The following GLIPR1 variants were observed in gnomAD, a reference collection of about 807,000 sequenced individuals.
GLIPR1 encodes glioma pathogenesis-related protein 1.
GLIPR1 carries 38 observed loss-of-function variants against 30.3 expected under a neutral mutation model. The ratio of observed to expected loss-of-function variants is 1.26; its 90% CI spans 0.97 to 1.65. The LOEUF (loss-of-function observed/expected upper bound fraction) is 1.65. Ranked by LOEUF, GLIPR1 falls within the 40% of genes most tolerant of loss-of-function variation. The probability of loss-of-function intolerance (pLI) is 0.00; values close to 1 mark genes in which losing one functional copy is unlikely to be tolerated. For synonymous variants in GLIPR1, 122 were observed against 110.6 expected (o/e 1.10, Z -0.65); for missense variants, 285 against 326.5 (o/e 0.87, Z 0.98).
chr12:75,500,116 C>A lies in GLIPR1; in HGVS notation c.*1138C>A. ...ACAGTATAAAATATAAAAACACTTG[C>A]CTAAAGCAGTTAGAAATTTCTTCAG... On this transcript the variant is annotated 3_prime_UTR_variant, in exon 6 of 6. Transcript: ENST00000266659. 1.9e-5 allele frequency: 9 copies of A among 481,878 alleles called. No homozygotes were observed. The highest frequency in any genetic ancestry group is 1.3e-4 in the South Asian group (3 of 23,384). 29.9% of individuals were successfully genotyped at this position (481,878 alleles called of 1,614,324 possible).
Position 75,499,939 on chromosome 12 carries a change from G to T in GLIPR1, c.*961G>T. The T allele has an allele frequency of 6.3e-7, 1 of 1,599,482 alleles. No individual in the cohort carries two copies. ...CTTGATGCTGGCCACATCAATTTTA[G>T]TTTCAGTAGAAGCTAGACAAATTAA... On this transcript the variant is annotated 3_prime_UTR_variant, in exon 6 of 6. Transcript: ENST00000266659.
At chr12:75,491,537 CTG>C (rs972543431) in intron 3 of GLIPR1, 1 of 152,168 alleles carries the variant, frequency 6.6e-6, no homozygotes, top group Non-Finnish European at 1.5e-5. Context: ...CACGTAAAGA[CTG>C]TGACCATTTT....
In GLIPR1 at chr12:75,499,401, A is replaced by AGTAACTAGGGGATCTGATTTTAG. The variant is rs1380518959; in HGVS notation, c.*424_*446dup. On this transcript the variant is annotated 3_prime_UTR_variant, in exon 6 of 6. Coordinates refer to ENST00000266659, the MANE Select transcript of GLIPR1 (RefSeq NM_006851.3). ...TACTTCCCCAGATTCAGAACAGAGG[A>AGTAACTAGGGGATCTGATTTTAG]GTAACTAGGGGATCTGATTTTAGAG... The AGTAACTAGGGGATCTGATTTTAG allele has an allele frequency of 6.2e-6, 1 of 160,352 alleles. No homozygotes were observed. The highest frequency in any genetic ancestry group is 1.3e-5 in the Non-Finnish European group (1 of 74,170). The allele number at this position is 160,352 out of a possible 1,614,324, so 9.9% of individuals were successfully genotyped here.
At chr12:75,482,782 C>T (rs551721919) in intron 2 of GLIPR1, among the ~76,000 whole-genome samples, 1 of 151,526 alleles carries the variant, frequency 6.6e-6, no homozygotes, top group African/African-American at 2.4e-5. Flanking sequence ...ACATTTGCAG[C>T]ATGATGGAAA....
In GLIPR1 at chr12:75,495,482, C is replaced by G. The variant is rs1458318384; in HGVS notation, c.534-95C>G. 44 of 687,412 alleles carry G rather than the reference C, an allele frequency of 6.4e-5. 1 individual carries two copies. Among genetic ancestry groups the G allele is most frequent in the Non-Finnish European group, 1.1e-4 (41 of 373,998 alleles). 42.6% of individuals were successfully genotyped at this position (687,412 alleles called of 1,614,324 possible). A position where few individuals can be genotyped will look rare whatever the true frequency, so the allele number is the denominator to read the frequency against. The stretch of plus-strand genomic sequence containing the variant: ...ACTCTCTGGACCTTTGTACTTCACT[C>G]CACTATTCTTCTGGATTTAGTTAAG... On this transcript the variant is annotated intron_variant, in intron 3 of 5. Transcript: ENST00000266659.
At position 75,501,967 on chromosome 12, in the gene GLIPR1, A is replaced by G. The variant is rs1219756824; in HGVS notation, c.*2989A>G. The G allele has an allele frequency of 1.1e-5, 17 of 1,612,416 alleles. No homozygotes were observed. Among genetic ancestry groups the G allele is most frequent in the Non-Finnish European group, 1.4e-5 (17 of 1,179,098 alleles). On this transcript the variant is annotated 3_prime_UTR_variant, in exon 6 of 6. Coordinates refer to ENST00000266659, the MANE Select transcript of GLIPR1 (RefSeq NM_006851.3). ...TGCCGCTTCTTCTGATTTGCCTTCA[A>G]AAAGTATTCACCACTAGCCAATTCT...
chr12:75,482,336 A>G (rs145534256), intron 2 of GLIPR1, among the ~76,000 whole-genome samples: 223 of 152,340 alleles, frequency 1.5e-3, no homozygotes, highest in Middle Eastern at 3.4e-3. Context: ...CTCCCATAGG[A>G]CTTTATTCCA....
chr12:75,491,625 T>C (rs2046324391), intron 3 of GLIPR1: 1 of 152,216 alleles, frequency 6.6e-6, no homozygotes, highest in Non-Finnish European at 1.5e-5. Flanking sequence ...CTAGGTATTA[T>C]AATTTCTTAG....
chr12:75,490,828 G>GTA (rs1051817190), intron 3 of GLIPR1: 1 of 188,888 alleles, frequency 5.3e-6, no homozygotes, highest in Non-Finnish European at 1.1e-5. Context: ...GACATAAATT[G>GTA]TATATGGTAA....
rs2046371599 is a variant in GLIPR1 at position 75,499,052 on chromosome 12, A to T, written c.*74A>T. Reference sequence around the variant, plus strand: ...GCTTTTTTTTTAACCAATAACAATTAGGTGTACTTCTATTTTAAAACATTT... The same window carrying T: ...GCTTTTTTTTTAACCAATAACAATTTGGTGTACTTCTATTTTAAAACATTT... On this transcript the variant is annotated 3_prime_UTR_variant, in exon 6 of 6. Transcript: ENST00000266659. 1 of 908,674 alleles carries T rather than the reference A, an allele frequency of 1.1e-6. No individual in the cohort carries two copies. The highest frequency in any genetic ancestry group is 2.7e-5 in the Admixed American group (1 of 36,946). 56.3% of individuals were successfully genotyped at this position (908,674 alleles called of 1,614,324 possible). A position where few individuals can be genotyped will look rare whatever the true frequency, so the allele number is the denominator to read the frequency against.
chr12:75,485,245 A>G (rs1200549223), intron 2 of GLIPR1, among the ~76,000 whole-genome samples: 3 of 152,230 alleles, frequency 2.0e-5, no homozygotes, highest in Non-Finnish European at 2.9e-5. Flanking sequence ...CACAAAATGT[A>G]TGATATTTCT....
rs376473536 is a variant in GLIPR1 at position 75,481,743 on chromosome 12, A to T, written c.175-91A>T. On this transcript the variant is annotated intron_variant, in intron 1 of 5. Coordinates refer to ENST00000266659, the MANE Select transcript of GLIPR1 (RefSeq NM_006851.3). ...ATATGCAGTGGTATCTTCTCTCCTT[A>T]TCTCACCTCGTTTTCCATTCAAATT... 108 of 1,175,936 alleles carry T rather than the reference A, an allele frequency of 9.2e-5. No individual in the cohort carries two copies. The African/African-American group carries it at 1.4e-3, about 15-fold the overall frequency. The allele number at this position is 1,175,936 out of a possible 1,614,324, so 72.8% of individuals were successfully genotyped here. A position where few individuals can be genotyped will look rare whatever the true frequency, so the allele number is the denominator to read the frequency against.
intron 2 of GLIPR1, among the ~76,000 whole-genome samples, chr12:75,487,414 A>AG (rs1415663873): frequency 6.6e-6 from 1 of 152,248 alleles, no homozygotes; most frequent in Non-Finnish European, 1.5e-5. Flanking sequence ...AGGATTAACA[A>AG]CCCTTATAAA....
Position 75,500,095 on chromosome 12 carries a change from T to C in GLIPR1, c.*1117T>C, listed in dbSNP as rs2046381224. The C allele has an allele frequency of 8.9e-6, 5 of 559,674 alleles. No homozygotes were observed. Among genetic ancestry groups the C allele is most frequent in the Non-Finnish European group, 1.5e-5 (5 of 343,892 alleles). The allele number at this position is 559,674 out of a possible 1,614,324, so 34.7% of individuals were successfully genotyped here. A position where few individuals can be genotyped will look rare whatever the true frequency, so the allele number is the denominator to read the frequency against. ...TTGAATAATTGAAAGGTGATCACAG[T>C]ATAAAATATAAAAACACTTGCCTAA... On this transcript the variant is annotated 3_prime_UTR_variant, in exon 6 of 6. Coordinates refer to ENST00000266659, the MANE Select transcript of GLIPR1 (RefSeq NM_006851.3).
intron 1 of GLIPR1, 47 bp from the exon 2 acceptor site, chr12:75,481,787 G>C: frequency 6.3e-7 from 1 of 1,589,372 alleles, no homozygotes; most frequent in Middle Eastern, 1.7e-4. Context: ...ACTCACCCCA[G>C]TTACATTTCA....
intron 3 of GLIPR1, chr12:75,491,249 A>G (rs957745974): frequency 6.6e-6 from 1 of 152,234 alleles, no homozygotes; most frequent in African/African-American, 2.4e-5. Context: ...AATCTTCACC[A>G]GAAGTTTATG....
chr12:75,487,328 G>T (rs1294604461), intron 2 of GLIPR1, among the ~76,000 whole-genome samples: 6 of 152,178 alleles, frequency 3.9e-5, no homozygotes, highest in Admixed American at 3.9e-4. Flanking sequence ...AATCACTTGA[G>T]ATATAGAATA....
intron 3 of GLIPR1, chr12:75,494,176 G>A (rs146069656): frequency 1.3e-5 from 2 of 152,174 alleles, no homozygotes; most frequent in Non-Finnish European, 2.9e-5. Context: ...TGGAAATAAG[G>A]TATCGTTATA....
intron 2 of GLIPR1, chr12:75,484,714 T>G (rs977811485): frequency 1.3e-5 from 2 of 152,036 alleles, no homozygotes; most frequent in African/African-American, 4.8e-5. Context: ...AGGTGCTCAG[T>G]GGGGGAGCTT....
Sources: allele counts gnomAD v4.1 joint callset (sites outside exome capture counted in the v4.1 genomes callset), GRCh38; gene constraint gnomAD v4.1.1; transcripts MANE v1.5; gene names NCBI Gene and HGNC (gene_info 2026-07-23, HGNC 2026-07-21).